ROBO2: variants seen among roughly 807,000 people sequenced by gnomAD.
The protein encoded by ROBO2 is roundabout guidance receptor 2, also known as roundabout homolog 2.
Under a neutral mutation model 160.8 loss-of-function variants are expected in ROBO2, and 53 were observed. The ratio of observed to expected loss-of-function variants is 0.33; its 90% CI spans 0.26 to 0.41. ROBO2 has a LOEUF of 0.41. ROBO2 is among the 10% of genes least tolerant of loss of function. The pLI, the probability that ROBO2 is intolerant of heterozygous loss-of-function variation, is 1.00. For synonymous variants in ROBO2, 664 were observed against 611.7 expected (o/e 1.09, Z -1.26); for missense variants, 1,577 against 1,722.4 (o/e 0.92, Z 1.49).
chr3:76,305,206 T>C (rs1192290242), intron 2 of ROBO2, among the ~76,000 whole-genome samples: 2 of 151,388 alleles, frequency 1.3e-5, no homozygotes, highest in African/African-American at 4.9e-5. Context: ...TTAGGCAACA[T>C]AGCCAGATTC....
chr3:77,546,234 C>G (rs1192696763), intron 6 of ROBO2, 104 bp from the exon 8 acceptor site: 1 of 1,224,790 alleles, frequency 8.2e-7, no homozygotes, highest in Non-Finnish European at 1.2e-6. Context: ...ACTGTAGTCT[C>G]TCTCTGGCAC....
intron 2 of ROBO2, among the ~76,000 whole-genome samples, chr3:76,096,250 C>T (rs2069448067): frequency 6.6e-6 from 1 of 152,164 alleles, no homozygotes; most frequent in Admixed American, 6.5e-5. Context: ...CCTACATTCT[C>T]ATGCTGAATG....
chr3:76,575,048 T>G (rs976112377), intron 2 of ROBO2, among the ~76,000 whole-genome samples: 17 of 152,252 alleles, frequency 1.1e-4, no homozygotes, highest in African/African-American at 3.9e-4. Context: ...AGAAAAATGT[T>G]TGTTTTAGAT....
At chr3:77,441,290 G>A (rs2079893787) in intron 2 of ROBO2, among the ~76,000 whole-genome samples, 1 of 151,128 alleles carries the variant, frequency 6.6e-6, no homozygotes, top group Non-Finnish European at 1.5e-5. Flanking sequence ...AAACAGAGAC[G>A]GGAATGTATA....
intron 2 of ROBO2, among the ~76,000 whole-genome samples, chr3:76,089,008 A>C (rs2069125042): frequency 6.6e-6 from 1 of 152,062 alleles, no homozygotes; most frequent in Non-Finnish European, 1.5e-5. Context: ...GAAAGAGAGG[A>C]CATCTCTATA....
intron 2 of ROBO2, among the ~76,000 whole-genome samples, chr3:76,328,474 T>C (rs917296419): frequency 1.3e-5 from 2 of 152,208 alleles, no homozygotes; most frequent in Non-Finnish European, 2.9e-5. Flanking sequence ...TTATAAAATA[T>C]GTTATTAGTT....
chr3:76,417,481 C>T (rs1276316102), intron 2 of ROBO2, among the ~76,000 whole-genome samples: 3 of 152,148 alleles, frequency 2.0e-5, no homozygotes, highest in Non-Finnish European at 4.4e-5. Flanking sequence ...GGAGAATGAA[C>T]ATCTTTTATT....
chr3:76,122,783 T>C (rs7614977), intron 2 of ROBO2, among the ~76,000 whole-genome samples: 3,436 of 152,296 alleles, frequency 0.023, 126 homozygotes, highest in African/African-American at 0.076. Context: ...GATGGACATA[T>C]ATATTCATTT....
intron 6 of ROBO2, among the ~76,000 whole-genome samples, chr3:77,527,985 A>G (rs2091328300): frequency 6.6e-6 from 1 of 151,588 alleles, no homozygotes; most frequent in Non-Finnish European, 1.5e-5. Context: ...GTTCTTTGGC[A>G]TGAAATCTGA....
chr3:76,232,284 A>C (rs1704666019), intron 2 of ROBO2, among the ~76,000 whole-genome samples: 1 of 152,198 alleles, frequency 6.6e-6, no homozygotes, highest in South Asian at 2.1e-4. Context: ...TTGAGAAGAG[A>C]AGAAAAGACT....
intron 2 of ROBO2, among the ~76,000 whole-genome samples, chr3:76,004,858 TAAGA>T (rs2065978297): frequency 6.6e-6 from 1 of 152,136 alleles, no homozygotes. Flanking sequence ...AATGAACACT[TAAGA>T]AAGAAAATGC....
intron 2 of ROBO2, among the ~76,000 whole-genome samples, chr3:76,692,899 C>CTA (rs1241101845): frequency 1.3e-4 from 20 of 150,622 alleles, no homozygotes; most frequent in African/African-American, 3.4e-4. Flanking sequence ...CTCTCTCTCT[C>CTA]TATATATATA....
At chr3:76,711,758 C>CTCT (rs2093298656) in intron 2 of ROBO2, among the ~76,000 whole-genome samples, 1 of 152,142 alleles carries the variant, frequency 6.6e-6, no homozygotes, top group African/African-American at 2.4e-5. Flanking sequence ...CATGAAAGCA[C>CTCT]TCTTTCTGGA....
At chr3:76,255,607 T>A (rs994808561) in intron 2 of ROBO2, among the ~76,000 whole-genome samples, 10 of 151,852 alleles carry the variant, frequency 6.6e-5, no homozygotes, top group East Asian at 1.9e-4. Flanking sequence ...AAAAAAAAAA[T>A]TTGAGTATTT....
intron 4 of ROBO2, among the ~76,000 whole-genome samples, chr3:77,487,476 A>T (rs1214491483): frequency 6.6e-6 from 1 of 152,186 alleles, no homozygotes; most frequent in Non-Finnish European, 1.5e-5. Flanking sequence ...TCAGGCAAGG[A>T]AAGTTCTAGC....
chr3:77,540,630 G>A (rs1414048985), intron 6 of ROBO2, among the ~76,000 whole-genome samples: 1 of 152,164 alleles, frequency 6.6e-6, no homozygotes, highest in Non-Finnish European at 1.5e-5. Flanking sequence ...GCATGCTGCG[G>A]TTAATACCTA....
intron 2 of ROBO2, among the ~76,000 whole-genome samples, chr3:76,913,698 G>A (rs886810719): frequency 2.6e-5 from 4 of 152,114 alleles, no homozygotes; most frequent in African/African-American, 9.7e-5. Flanking sequence ...AGCCACTTTT[G>A]GGCCACTGCA....
chr3:77,293,991 C>G (rs371856680), intron 2 of ROBO2, among the ~76,000 whole-genome samples: 1 of 135,578 alleles, frequency 7.4e-6, no homozygotes, highest in African/African-American at 3.0e-5. Flanking sequence ...GTAAAATTGA[C>G]GGTTAAACGG....
At chr3:77,336,350 G>A (rs984546297) in intron 2 of ROBO2, among the ~76,000 whole-genome samples, 2 of 151,916 alleles carry the variant, frequency 1.3e-5, no homozygotes, top group Non-Finnish European at 2.9e-5. Flanking sequence ...CAAGCAACAC[G>A]AAGTCAAGAG....
Sources: gnomAD v4.1 joint callset for allele counts (sites outside exome capture counted in the v4.1 genomes callset) on GRCh38, gnomAD v4.1.1 for gene constraint, MANE v1.5 for transcripts, NCBI Gene and HGNC (gene_info 2026-07-23, HGNC 2026-07-21) for gene names.